SPATS2L: variants seen among roughly 807,000 people sequenced by gnomAD.
The protein encoded by SPATS2L is spermatogenesis associated serine rich 2 like.
Under a neutral mutation model 59.6 loss-of-function variants are expected in SPATS2L, and 30 were observed. That is an observed-to-expected ratio of 0.50 (90% confidence interval 0.38 to 0.68). The LOEUF (loss-of-function observed/expected upper bound fraction) is 0.68. Among genes scored for constraint, SPATS2L ranks in the 30% least tolerant of loss-of-function variants. The probability of loss-of-function intolerance (pLI) is 0.00; values close to 1 mark genes in which losing one functional copy is unlikely to be tolerated. For synonymous variants in SPATS2L, 252 were observed against 263.5 expected (o/e 0.96, Z 0.42); for missense variants, 615 against 700.0 (o/e 0.88, Z 1.37).
chr2:200,385,484 G>A (rs532915324), intron 2 of SPATS2L, among the ~76,000 whole-genome samples: 94 of 152,272 alleles, frequency 6.2e-4, no homozygotes, highest in African/African-American at 2.1e-3. Flanking sequence ...AGCAGGGAGG[G>A]TCAGCTCAGG....
At chr2:200,328,081 C>A (rs528587738) in intron 1 of SPATS2L, among the ~76,000 whole-genome samples, 32 of 152,152 alleles carry the variant, frequency 2.1e-4, no homozygotes, top group Non-Finnish European at 4.4e-4. Context: ...ACATTCTTAC[C>A]CTCCCCATCT....
intron 2 of SPATS2L, among the ~76,000 whole-genome samples, chr2:200,333,867 G>A (rs1291041351): frequency 1.3e-5 from 2 of 151,094 alleles, no homozygotes; most frequent in African/African-American, 2.4e-5. Context: ...ATTCCATGGT[G>A]TATATGTGCC....
intron 2 of SPATS2L, among the ~76,000 whole-genome samples, chr2:200,386,709 C>T (rs1036824788): frequency 6.6e-6 from 1 of 152,222 alleles, no homozygotes; most frequent in African/African-American, 2.4e-5. Context: ...CCAGAAGAAT[C>T]AGCTGATCTG....
At chr2:200,328,963 T>A (rs1553507252) in intron 1 of SPATS2L, among the ~76,000 whole-genome samples, 1 of 152,162 alleles carries the variant, frequency 6.6e-6, no homozygotes, top group Non-Finnish European at 1.5e-5. Context: ...CAGCTACATT[T>A]TCATGAGACA....
At chr2:200,402,663 A>G (rs1031856980) in intron 3 of SPATS2L, among the ~76,000 whole-genome samples, 6 of 152,242 alleles carry the variant, frequency 3.9e-5, no homozygotes, top group African/African-American at 1.4e-4. Context: ...TTCCTAGACT[A>G]TAAACCCCAA....
intron 12 of SPATS2L, among the ~76,000 whole-genome samples, chr2:200,476,348 G>A (rs1212975212): frequency 6.6e-6 from 1 of 151,784 alleles, no homozygotes; most frequent in Non-Finnish European, 1.5e-5. Context: ...ATTTGTCCAA[G>A]ATAATATTTC....
In SPATS2L at chr2:200,439,346, G is replaced by A; in HGVS notation, c.652+18G>A. 3 of 1,595,130 alleles carry A rather than the reference G, an allele frequency of 1.9e-6. No individual in the cohort carries two copies. Among genetic ancestry groups the A allele is most frequent in the Non-Finnish European group, 1.7e-6 (2 of 1,163,548 alleles). Reference sequence around the variant, plus strand: ...GAAAAGAGGTAAAGTGATTTCTTTTGCACAAATGATTCAACATATTTTGCA... The same window carrying A: ...GAAAAGAGGTAAAGTGATTTCTTTTACACAAATGATTCAACATATTTTGCA... On this transcript the variant is annotated intron_variant, in intron 7 of 12. Transcript: ENST00000409140.
chr2:200,419,238 T>G lies in SPATS2L; in HGVS notation c.199-12T>G. On this transcript the variant is annotated splice_polypyrimidine_tract_variant and intron_variant, in intron 5 of 12. Transcript: ENST00000409140. ...AGTTGAATATTATGTTCTCATTTGT[T>G]TCTCATTCTAGAACAATAAAAGAAA... 6.4e-7 allele frequency: 1 copy of G among 1,553,738 alleles called. No individual in the cohort carries two copies. The highest frequency in any genetic ancestry group is 8.7e-7 in the Non-Finnish European group (1 of 1,148,686).
chr2:200,340,642 G>A (rs1027921981), intron 2 of SPATS2L, among the ~76,000 whole-genome samples: 1 of 152,106 alleles, frequency 6.6e-6, no homozygotes, highest in Non-Finnish European at 1.5e-5. Flanking sequence ...TGGTCCTCCA[G>A]AGAAGTGCCA....
intron 3 of SPATS2L, among the ~76,000 whole-genome samples, chr2:200,400,715 T>C (rs944926174): frequency 6.6e-6 from 1 of 152,222 alleles, no homozygotes; most frequent in Non-Finnish European, 1.5e-5. Flanking sequence ...TGAATATCTC[T>C]TACTCTATAA....
chr2:200,472,064 T>C (rs1171999700), intron 11 of SPATS2L, among the ~76,000 whole-genome samples: 2 of 152,174 alleles, frequency 1.3e-5, no homozygotes, highest in African/African-American at 2.4e-5. Context: ...ATGGTCATAA[T>C]AAACGCTGAG....
chr2:200,406,814 G>C (rs1421489908), intron 3 of SPATS2L, among the ~76,000 whole-genome samples: 1 of 152,194 alleles, frequency 6.6e-6, no homozygotes, highest in Non-Finnish European at 1.5e-5. Context: ...CCTGATCATA[G>C]TAGACATTTA....
At chr2:200,394,096 T>C (rs1352529657) in intron 3 of SPATS2L, among the ~76,000 whole-genome samples, 1 of 152,230 alleles carries the variant, frequency 6.6e-6, no homozygotes, top group Non-Finnish European at 1.5e-5. Context: ...TTTAACTGTT[T>C]CATTTTAAAA....
chr2:200,358,108 A>C (rs1267647195), intron 2 of SPATS2L, among the ~76,000 whole-genome samples: 1 of 152,224 alleles, frequency 6.6e-6, no homozygotes. Flanking sequence ...TATCTGCCTA[A>C]AAGGAAAGAA....
chr2:200,466,469 G>A (rs775989660), intron 9 of SPATS2L, among the ~76,000 whole-genome samples: 7 of 152,336 alleles, frequency 4.6e-5, no homozygotes, highest in African/African-American at 1.2e-4. Flanking sequence ...TGGGAAACAC[G>A]TGTATACACA....
At chr2:200,344,357 A>G (rs1559054367) in intron 2 of SPATS2L, among the ~76,000 whole-genome samples, 3 of 152,186 alleles carry the variant, frequency 2.0e-5, no homozygotes, top group Non-Finnish European at 1.5e-5. Context: ...TGCTAAGGAT[A>G]ATGGCCTCCA....
chr2:200,345,451 G>A (rs2080480883), intron 2 of SPATS2L, among the ~76,000 whole-genome samples: 1 of 151,858 alleles, frequency 6.6e-6, no homozygotes, highest in Non-Finnish European at 1.5e-5. Context: ...CATGTGTGCT[G>A]TGATTTTGAA....
At chr2:200,306,542 G>A (rs1236270680), upstream of SPATS2L, 5 of 1,002,350 alleles carry the variant, frequency 5.0e-6, no homozygotes, top group Non-Finnish European at 6.0e-6. Flanking sequence ...CGAGAGAGGC[G>A]TGAGCAGCGC....
At chr2:200,319,234 C>G (rs2105766856) in intron 1 of SPATS2L, among the ~76,000 whole-genome samples, 1 of 152,272 alleles carries the variant, frequency 6.6e-6, no homozygotes, top group East Asian at 1.9e-4. Flanking sequence ...TGTTAACATT[C>G]CTCTAGGCAC....
Sources: allele counts gnomAD v4.1 joint callset (sites outside exome capture counted in the v4.1 genomes callset), GRCh38; gene constraint gnomAD v4.1.1; transcripts MANE v1.5; gene names NCBI Gene and HGNC (gene_info 2026-07-23, HGNC 2026-07-21).